Variants in NUDT1 observed in about 807,000 individuals in gnomAD.
The protein encoded by NUDT1 is oxidized purine nucleoside triphosphate hydrolase.
NUDT1 carries 16 observed loss-of-function variants against 11.3 expected under a neutral mutation model. The ratio of observed to expected loss-of-function variants is 1.41; its 90% CI spans 0.96 to 2.15. NUDT1 has a LOEUF of 2.15. NUDT1 is among the 30% of genes most tolerant of loss of function. NUDT1 has a pLI of 0.00. For missense variants in NUDT1, 234 were observed against 208.4 expected (o/e 1.12, Z -0.76); for synonymous variants, 101 against 84.4 (o/e 1.20, Z -1.08).
At chr7:2,246,747 G>T (rs111488812) in intron 2 of NUDT1, among the ~76,000 whole-genome samples, 1 of 152,182 alleles carries the variant, frequency 6.6e-6, no homozygotes, top group Non-Finnish European at 1.5e-5. Context: ...TTGAGGGGGG[G>T]AACTGAGGCA....
chr7:2,242,935 T>A, intron 1 of NUDT1: 1 of 712,778 alleles, frequency 1.4e-6, no homozygotes, highest in East Asian at 2.7e-5. Context: ...GTTTCTTGCC[T>A]TGATGTACTG....
intron 2 of NUDT1, 33 bp downstream of exon 2, chr7:2,244,759 G>C (rs1414348925): frequency 1.9e-6 from 3 of 1,588,754 alleles, no homozygotes. Flanking sequence ...CATAGAACCG[G>C]CTTTCCCAGG....
Position 2,242,244 on chromosome 7 carries a change from A to G in NUDT1, c.-25A>G. 1 of 1,455,454 alleles carries G rather than the reference A, an allele frequency of 6.9e-7. No homozygotes were observed. 90.2% of individuals were successfully genotyped at this position (1,455,454 alleles called of 1,614,324 possible). On this transcript the variant is annotated 5_prime_UTR_variant, in exon 1 of 4. Transcript: ENST00000356714. ...TCCGGTCAGAGGCCACGCCCCCGGA[A>G]GCGGCGGTGCAGGTACGAAAAGCGC...
chr7:2,249,767 G>C, intron 2 of NUDT1, 90 bp from the exon 3 acceptor site: 1 of 1,554,194 alleles, frequency 6.4e-7, no homozygotes, highest in Non-Finnish European at 8.7e-7. Context: ...CCTGGGCTGT[G>C]TGTAGATGCC....
Position 2,249,874 on chromosome 7 carries a change from G to C in NUDT1, c.170G>C (p.Ser57Thr), listed in dbSNP as rs1336971646. 1 of 1,613,908 alleles carries C rather than the reference G, an allele frequency of 6.2e-7. No homozygotes were observed. The highest frequency in any genetic ancestry group is 1.1e-5 in the South Asian group (1 of 91,090). The stretch of plus-strand genomic sequence containing the variant: ...GCCCGCAGGGAGCTGCAGGAGGAGA[G>C]CGGTCTGACAGTGGACGCCCTGCAC... ...DGARRELQEESGLTVDALHKV... is the reference protein window; with the variant it reads ...DGARRELQEETGLTVDALHKV... The change falls in exon 3 of 4, where the codon AGC (serine) becomes ACC (threonine). Residue 57 changes from serine (S) to threonine (T), a missense_variant. By Grantham distance (58) the Ser-to-Thr change is moderately conservative. Coordinates refer to ENST00000356714, the MANE Select transcript of NUDT1 (RefSeq NM_002452.4).
intron 2 of NUDT1, among the ~76,000 whole-genome samples, chr7:2,244,977 G>A (rs1456718033): frequency 6.6e-6 from 1 of 152,218 alleles, no homozygotes; most frequent in East Asian, 1.9e-4. Context: ...TGCTGAGTGC[G>A]TGTTAGCTGT....
chr7:2,250,568 C>G (rs913562013), intron 3 of NUDT1, among the ~76,000 whole-genome samples: 4 of 152,224 alleles, frequency 2.6e-5, no homozygotes, highest in African/African-American at 9.6e-5. Flanking sequence ...CACCATTCTC[C>G]TGCCTCAGCC....
chr7:2,246,420 G>A (rs1029491378), intron 2 of NUDT1, among the ~76,000 whole-genome samples: 2 of 152,216 alleles, frequency 1.3e-5, no homozygotes, highest in Non-Finnish European at 2.9e-5. Context: ...GAAGGAGGGA[G>A]GAAGGAGACA....
At chr7:2,250,086 C>G in intron 3 of NUDT1, 84 bp downstream of exon 3, 1 of 1,564,998 alleles carries the variant, frequency 6.4e-7, no homozygotes, top group East Asian at 2.3e-5. Flanking sequence ...CCCAAACCAT[C>G]TCTGAGTGCC....
Position 2,250,901 on chromosome 7 carries a change from T to A in NUDT1, c.371T>A (p.Phe124Tyr). The A allele has an allele frequency of 1.2e-6, 2 of 1,614,164 alleles. No homozygotes were observed. The highest frequency in any genetic ancestry group is 1.7e-6 in the Non-Finnish European group (2 of 1,180,024). Reference sequence around the variant, plus strand: ...ATGTGGCCCGACGACAGCTACTGGTTTCCACTCCTGCTTCAGAAGAAGAAA... The same window carrying A: ...ATGTGGCCCGACGACAGCTACTGGTATCCACTCCTGCTTCAGAAGAAGAAA... ...KDMWPDDSYW[F>Y]PLLLQKKKFH... The change falls in exon 4 of 4, where the codon TTT becomes TAT. Residue 124 changes from phenylalanine to tyrosine, a missense_variant. Physicochemically the swap from Phe to Tyr is conservative, Grantham distance 22. Transcript: ENST00000356714.
At chr7:2,247,469 G>A (rs1035584620) in intron 2 of NUDT1, among the ~76,000 whole-genome samples, 4 of 152,124 alleles carry the variant, frequency 2.6e-5, no homozygotes, top group Middle Eastern at 3.2e-3. Context: ...AGTGTGAGCC[G>A]ACCTTTCTAG....
At position 2,250,840 on chromosome 7, in the gene NUDT1, T is replaced by G; in HGVS notation, c.310T>G (p.Cys104Gly). The G allele has an allele frequency of 1.2e-6, 2 of 1,614,174 alleles. No individual in the cohort carries two copies. Among genetic ancestry groups the G allele is most frequent in the Non-Finnish European group, 1.7e-6 (2 of 1,180,020 alleles). Residue 104 changes from cysteine (C) to glycine (G), a missense_variant, in exon 4 of 4, where the codon TGC (cysteine) becomes GGC (glycine). Physicochemically the swap from Cys to Gly is radical, Grantham distance 159. Transcript: ENST00000356714. ...TPVESDEMRP[C>G]WFQLDQIPFK... Reference sequence around the variant, plus strand: ...CCCCATTGGTACAGAAATGCGCCCATGCTGGTTCCAGCTGGATCAGATCCC... The same window carrying G: ...CCCCATTGGTACAGAAATGCGCCCAGGCTGGTTCCAGCTGGATCAGATCCC...
chr7:2,249,980 G>T lies in NUDT1; in HGVS notation c.276G>T (p.Gln92His). 6.2e-7 allele frequency: 1 copy of T among 1,614,140 alleles called. No individual in the cohort carries two copies. Among genetic ancestry groups the T allele is most frequent in the African/African-American group, 1.3e-5 (1 of 75,066 alleles). Residue 92 changes from glutamine (Q) to histidine (H), a missense_variant, in exon 3 of 4, where the codon CAG (glutamine) becomes CAT (histidine). Physicochemically the swap from Gln to His is conservative, Grantham distance 24 (BLOSUM62 0). Coordinates refer to ENST00000356714, the MANE Select transcript of NUDT1 (RefSeq NM_002452.4). Reference protein sequence around the residue: ...DVHVFCTDSIQGTPVESDEMR... With the variant: ...DVHVFCTDSIHGTPVESDEMR... ...ATGTCTTCTGCACAGACAGCATCCAGGGGACCCCCGTGGAGAGCGACGGTG... is the reference window on the plus strand; with the variant it reads ...ATGTCTTCTGCACAGACAGCATCCATGGGACCCCCGTGGAGAGCGACGGTG...
At chr7:2,245,086 C>T (rs1794719419) in intron 2 of NUDT1, among the ~76,000 whole-genome samples, 1 of 152,170 alleles carries the variant, frequency 6.6e-6, no homozygotes, top group Non-Finnish European at 1.5e-5. Flanking sequence ...TGCCGAAGGG[C>T]TCGTCAGTCA....
Position 2,244,954 on chromosome 7 carries a change from G to A in NUDT1, c.152+228G>A, listed in dbSNP as rs554868285. On this transcript the variant is annotated intron_variant, in intron 2 of 3. Coordinates refer to ENST00000356714, the MANE Select transcript of NUDT1 (RefSeq NM_002452.4). ...ACTCGAAGGACTTAGAACGGTGCGC[G>A]GTGTGCGGTGCGTGCTGAGTGCGTG... Among the ~76,000 whole-genome samples the A allele has an allele frequency of 7.9e-5, 12 of 152,300 alleles. No homozygotes were observed. The East Asian group carries it at 1.2e-3, about 15-fold the overall frequency.
intron 2 of NUDT1, among the ~76,000 whole-genome samples, chr7:2,246,740 AG>A (rs903801424): frequency 2.6e-5 from 4 of 152,148 alleles, no homozygotes; most frequent in East Asian, 1.9e-4. Context: ...CCAGGGTTTG[AG>A]GGGGGGAACT....
intron 2 of NUDT1, among the ~76,000 whole-genome samples, chr7:2,246,451 T>G (rs930854224): frequency 6.6e-6 from 1 of 152,162 alleles, no homozygotes; most frequent in African/African-American, 2.4e-5. Flanking sequence ...CACAGAGGGC[T>G]GGAGGAGCGC....
intron 1 of NUDT1, 180 bp downstream of exon 1, chr7:2,242,436 CG>C (rs1794584161): frequency 4.8e-6 from 2 of 419,330 alleles, no homozygotes; most frequent in Non-Finnish European, 8.6e-6. Context: ...AGAGCGGGGC[CG>C]GGGGTTTGGG....
At chr7:2,242,279 T>C in intron 1 of NUDT1, 23 bp downstream of exon 1, 1 of 1,122,192 alleles carries the variant, frequency 8.9e-7, no homozygotes, top group Non-Finnish European at 1.2e-6. Context: ...CGCGCGGGGA[T>C]TCCAGGAGTC....
Sources: allele counts gnomAD v4.1 joint callset (sites outside exome capture counted in the v4.1 genomes callset), GRCh38; gene constraint gnomAD v4.1.1; transcripts MANE v1.5; gene names NCBI Gene and HGNC (gene_info 2026-07-23, HGNC 2026-07-21).